FBXO47: variants seen among roughly 807,000 people sequenced by gnomAD.
FBXO47 encodes the protein F-box only protein 47.
A neutral mutation model predicts 53.9 loss-of-function variants in FBXO47; 34 were observed. The observed-to-expected ratio is 0.63, with a 90% CI of 0.48 to 0.84. The LOEUF (loss-of-function observed/expected upper bound fraction) is 0.84. FBXO47 is among the 40% of genes least tolerant of loss of function. The pLI, the probability that FBXO47 is intolerant of heterozygous loss-of-function variation, is 0.00. For synonymous variants in FBXO47, 165 were observed against 181.6 expected, an observed-to-expected ratio of 0.91 and a Z score of 0.73; for missense variants, 485 against 541.3, an observed-to-expected ratio of 0.90 and a Z score of 1.03.
chr17:38,953,978 G>A (rs1331710482), intron 5 of FBXO47, among the ~76,000 whole-genome samples: 1 of 152,104 alleles, frequency 6.6e-6, no homozygotes, highest in African/African-American at 2.4e-5. Flanking sequence ...TGCCTCACAA[G>A]GTTGTTGTAA....
rs187077151 is a variant in FBXO47, at chr17:38,940,988, A to C, written c.1083+1790T>G. On this transcript the variant is annotated intron_variant, in intron 9 of 10. Coordinates refer to ENST00000378079, the MANE Select transcript of FBXO47 (RefSeq NM_001008777.3). ...ACCAATGCACTCAGCCTTTTATTTAAGTAATTTATTTTTTGAGATGAGATC... is the reference window on the plus strand; with the variant it reads ...ACCAATGCACTCAGCCTTTTATTTACGTAATTTATTTTTTGAGATGAGATC... Among the ~76,000 whole-genome samples, 347 of 151,532 alleles carry C rather than the reference A, an allele frequency of 2.3e-3. 6 individuals carry two copies. Among genetic ancestry groups the C allele is most frequent in the African/African-American group, 8.2e-3 (338 of 41,088 alleles).
chr17:38,962,773 A>C, intron 2 of FBXO47, 72 bp downstream of exon 2: 1 of 1,073,966 alleles, frequency 9.3e-7, no homozygotes, highest in Non-Finnish European at 1.3e-6. Context: ...CCAAGATGAC[A>C]AACTAGTTCT....
chr17:38,946,429 A>G (rs1216702846), intron 6 of FBXO47, among the ~76,000 whole-genome samples: 9 of 66,376 alleles, frequency 1.4e-4, no homozygotes, highest in East Asian at 1.3e-3. Context: ...TAACTATATA[A>G]ATATATATGA....
chr17:38,938,861 A>C, intron 9 of FBXO47, 129 bp from the exon 10 acceptor site: 1 of 690,862 alleles, frequency 1.4e-6, no homozygotes, highest in Middle Eastern at 4.0e-4. Context: ...CACCATACTG[A>C]GTCTATACAT....
Position 38,937,157 on chromosome 17 carries a change from G to C in FBXO47, c.*18C>G. On this transcript the variant is annotated 3_prime_UTR_variant, in exon 11 of 11. Transcript: ENST00000378079. Reference sequence around the variant, plus strand: ...ATTCGTTCAGTGACGTTCTCTAAAGGCAAGGCTTTCTGAGGATTTAGGTAG... The same window carrying C: ...ATTCGTTCAGTGACGTTCTCTAAAGCCAAGGCTTTCTGAGGATTTAGGTAG... The C allele has an allele frequency of 8.4e-7, 1 of 1,188,626 alleles. No homozygotes were observed. Among genetic ancestry groups the C allele is most frequent in the Non-Finnish European group, 1.2e-6 (1 of 805,634 alleles). 73.6% of individuals were successfully genotyped at this position (1,188,626 alleles called of 1,614,324 possible).
chr17:38,936,538 T>C lies in FBXO47; in HGVS notation c.*637A>G, dbSNP rs933251042. On this transcript the variant is annotated 3_prime_UTR_variant, in exon 11 of 11. Transcript: ENST00000378079. ...GACAATATATACCTTCCTGTATGTA[T>C]AGACCTTTTGTATGATTACCTTAAA... is the stretch of plus-strand genomic sequence containing the variant. The C allele has an allele frequency of 6.6e-6, 1 of 152,196 alleles. No individual in the cohort carries two copies. The highest frequency in any genetic ancestry group is 1.5e-5 in the Non-Finnish European group (1 of 68,040). The allele number at this position is 152,196 out of a possible 1,614,324, so 9.4% of individuals were successfully genotyped here.
At chr17:38,946,499 T>C (rs867221619) in intron 6 of FBXO47, among the ~76,000 whole-genome samples, 5 of 87,460 alleles carry the variant, frequency 5.7e-5, no homozygotes, top group African/African-American at 2.3e-4. Flanking sequence ...TATATGAATA[T>C]ATATAACTAT....
chr17:38,963,665 C>T (rs1205862665), intron 1 of FBXO47, among the ~76,000 whole-genome samples: 3 of 151,982 alleles, frequency 2.0e-5, no homozygotes, highest in Admixed American at 6.6e-5. Context: ...TGGTGGCTCA[C>T]GCCTGTAATC....
Position 38,942,912 on chromosome 17 carries a change from G to T in FBXO47, c.949C>A (p.Arg317Ser). 6.2e-7 allele frequency: 1 copy of T among 1,603,986 alleles called. No homozygotes were observed. Among genetic ancestry groups the T allele is most frequent in the Non-Finnish European group, 8.5e-7 (1 of 1,176,780 alleles). Residue 317 changes from arginine to serine, a missense_variant, in exon 9 of 11, where the codon CGT becomes AGT. Coordinates refer to ENST00000378079, the MANE Select transcript of FBXO47 (RefSeq NM_001008777.3). ...GCATTATTCTCTAGAAGCCACTCAC[G>T]GGGAACCACTTTTATTAGAGGAAGA... ...SLVDELSVVPREWLLENNARL... is the reference protein window; with the variant it reads ...SLVDELSVVPSEWLLENNARL...
chr17:38,946,325 A>T (rs1489385378), intron 6 of FBXO47, among the ~76,000 whole-genome samples: 4 of 72,466 alleles, frequency 5.5e-5, no homozygotes, highest in African/African-American at 1.8e-4. Context: ...AATATATATA[A>T]ATATATAAAT....
chr17:38,949,370 A>C (rs1219094078), intron 6 of FBXO47, among the ~76,000 whole-genome samples: 1 of 152,130 alleles, frequency 6.6e-6, no homozygotes, highest in Non-Finnish European at 1.5e-5. Flanking sequence ...CAGTGAGCTG[A>C]GACCATACCT....
chr17:38,959,378 T>C (rs1905706482), intron 3 of FBXO47, among the ~76,000 whole-genome samples: 1 of 151,252 alleles, frequency 6.6e-6, no homozygotes, highest in Non-Finnish European at 1.5e-5. Context: ...AGGACAGGAG[T>C]TCGAGACCAG....
rs906005448 is a variant in FBXO47, at chr17:38,944,968, G to C, written c.785C>G (p.Pro262Arg). The C allele has an allele frequency of 2.5e-6, 4 of 1,613,384 alleles. No homozygotes were observed. The highest frequency in any genetic ancestry group is 3.4e-6 in the Non-Finnish European group (4 of 1,179,690). The change falls in exon 7 of 11, where the codon CCT (proline) becomes CGT (arginine). Residue 262 changes from proline to arginine, a missense_variant. Pro to Arg is a moderately radical substitution (Grantham distance 103, BLOSUM62 -2). Coordinates refer to ENST00000378079, the MANE Select transcript of FBXO47 (RefSeq NM_001008777.3). ...LLYIIFGPIS[P>R]QDGQVVWQEM... is the part of the protein sequence containing the mutation. ...GAAAGATGGGTGCTCACCATCTTGA[G>C]GAGATATTGGCCCAAAGATGATATA...
rs1567716680 is a variant in FBXO47, at chr17:38,946,381, A to ACT, written c.617-1246_617-1245insAG. Among the ~76,000 whole-genome samples, 105 of 87,748 alleles carry ACT rather than the reference A, an allele frequency of 1.2e-3. 11 individuals are homozygous for ACT. Among genetic ancestry groups the ACT allele is most frequent in the African/African-American group, 4.3e-3 (84 of 19,568 alleles). 57.6% of individuals were successfully genotyped at this position (87,748 alleles called of 152,430 possible). A position where few individuals can be genotyped will look rare whatever the true frequency, so the allele number is the denominator to read the frequency against. On this transcript the variant is annotated intron_variant, in intron 6 of 10. Coordinates refer to ENST00000378079, the MANE Select transcript of FBXO47 (RefSeq NM_001008777.3). The stretch of plus-strand genomic sequence containing the variant: ...ATATAAATATATAGATATATATATA[A>ACT]ATATATATATCTATATATAAATATA...
chr17:38,961,943 A>G lies in FBXO47; in HGVS notation c.286T>C (p.Phe96Leu). 6.2e-7 allele frequency: 1 copy of G among 1,614,098 alleles called. No homozygotes were observed. Among genetic ancestry groups the G allele is most frequent in the Non-Finnish European group, 8.5e-7 (1 of 1,179,992 alleles). The change falls in exon 3 of 11, where the codon TTT becomes CTT. Residue 96 changes from phenylalanine (F) to leucine (L), a missense_variant. By Grantham distance (22) the Phe-to-Leu change is conservative. Coordinates refer to ENST00000378079, the MANE Select transcript of FBXO47 (RefSeq NM_001008777.3). The part of the protein sequence containing the change: ...SGSKRLLLQD[F>L]HNLELPDRRQ... ...CTGTCAGGCAGCTCAAGGTTATGAAAGTCCTGTAGTAAAAGTCTTTTGCTT... is the reference window on the plus strand; with the variant it reads ...CTGTCAGGCAGCTCAAGGTTATGAAGGTCCTGTAGTAAAAGTCTTTTGCTT...
intron 6 of FBXO47, among the ~76,000 whole-genome samples, chr17:38,951,248 G>A (rs1905266173): frequency 6.6e-6 from 1 of 152,006 alleles, no homozygotes; most frequent in Non-Finnish European, 1.5e-5. Context: ...CAGGTTGAGT[G>A]TGGTGGTGCG....
intron 6 of FBXO47, among the ~76,000 whole-genome samples, chr17:38,946,439 A>AT (rs1567716810): frequency 2.4e-4 from 22 of 90,436 alleles, no homozygotes; most frequent in African/African-American, 9.1e-4. Flanking sequence ...AATATATATG[A>AT]ATATATATAA....
chr17:38,941,171 T>C (rs565883063), intron 9 of FBXO47, among the ~76,000 whole-genome samples: 2 of 151,328 alleles, frequency 1.3e-5, no homozygotes. Context: ...TTTTTTATTA[T>C]TTATTTATTT....
intron 1 of FBXO47, among the ~76,000 whole-genome samples, chr17:38,966,929 T>C (rs183593594): frequency 6.6e-6 from 1 of 152,190 alleles, no homozygotes; most frequent in African/African-American, 2.4e-5. Context: ...CCCACTAATT[T>C]TGACCGCGCG....
Sources: allele counts gnomAD v4.1 joint callset (sites outside exome capture counted in the v4.1 genomes callset), GRCh38; gene constraint gnomAD v4.1.1; transcripts MANE v1.5; gene names NCBI Gene and HGNC (gene_info 2026-07-23, HGNC 2026-07-21).